Variants in GRIK2 observed in about 807,000 individuals in gnomAD.
GRIK2 encodes glutamate ionotropic receptor kainate type subunit 2.
GRIK2 carries 32 observed loss-of-function variants against 100.3 expected under a neutral mutation model. The ratio of observed to expected loss-of-function variants is 0.32; its 90% CI spans 0.24 to 0.43. The LOEUF (loss-of-function observed/expected upper bound fraction) is 0.43. Among genes scored for constraint, GRIK2 ranks in the 20% least tolerant of loss-of-function variants. The pLI is 1.00. For missense variants in GRIK2, 843 were observed against 1,114.9 expected, an observed-to-expected ratio of 0.76 and a Z score of 3.47; for synonymous variants, 417 against 389.4, an observed-to-expected ratio of 1.07 and a Z score of -0.83.
chr6:101,834,724 G>A (rs577170531), intron 10 of GRIK2, among the ~76,000 whole-genome samples: 5 of 152,208 alleles, frequency 3.3e-5, no homozygotes, highest in Admixed American at 1.3e-4. Flanking sequence ...ATTAAAGCTA[G>A]TGTTCATGGT....
intron 12 of GRIK2, among the ~76,000 whole-genome samples, chr6:101,904,302 G>A (rs2518208): frequency 0.83 from 124,799 of 151,244 alleles, 51,598 homozygotes; most frequent in East Asian, 0.94. Context: ...GCATAAGATC[G>A]TGTCACATCT....
At chr6:101,953,172 G>A (rs372636903) in intron 14 of GRIK2, among the ~76,000 whole-genome samples, 2 of 152,028 alleles carry the variant, frequency 1.3e-5, no homozygotes, top group African/African-American at 4.8e-5. Context: ...GTTTATCAGA[G>A]GATGGACATT....
chr6:101,785,440 A>G (rs1425573655), intron 7 of GRIK2, among the ~76,000 whole-genome samples: 1 of 152,078 alleles, frequency 6.6e-6, no homozygotes, highest in Non-Finnish European at 1.5e-5. Context: ...TAGTAGTTTT[A>G]TACTTTCAGA....
intron 2 of GRIK2, among the ~76,000 whole-genome samples, chr6:101,430,222 C>T (rs887257014): frequency 6.6e-6 from 1 of 152,120 alleles, no homozygotes; most frequent in African/African-American, 2.4e-5. Context: ...TAAACAAATA[C>T]CAAGGGAACA....
chr6:101,502,284 A>G (rs1423245228), intron 2 of GRIK2, among the ~76,000 whole-genome samples: 1 of 152,174 alleles, frequency 6.6e-6, no homozygotes, highest in East Asian at 1.9e-4. Context: ...ATTTCTGGGA[A>G]CATATGCTAC....
At chr6:101,656,040 T>C (rs543345469) in intron 4 of GRIK2, among the ~76,000 whole-genome samples, 3 of 152,210 alleles carry the variant, frequency 2.0e-5, no homozygotes, top group Non-Finnish European at 2.9e-5. Context: ...TGGTGGCTCA[T>C]GCCCAAAATC....
intron 7 of GRIK2, among the ~76,000 whole-genome samples, chr6:101,770,531 T>A (rs1374967550): frequency 6.6e-6 from 1 of 152,224 alleles, no homozygotes; most frequent in African/African-American, 2.4e-5. Context: ...ATAATTGGTT[T>A]CATCAAGTAT....
intron 2 of GRIK2, among the ~76,000 whole-genome samples, chr6:101,571,053 A>T (rs1290568812): frequency 2.1e-3 from 3 of 1,458 alleles, no homozygotes; most frequent in African/African-American, 8.7e-3. Flanking sequence ...CTAGGCTGCT[A>T]TGTGCAGTAT....
At chr6:101,739,945 A>G (rs1775915687) in intron 7 of GRIK2, among the ~76,000 whole-genome samples, 2 of 152,196 alleles carry the variant, frequency 1.3e-5, no homozygotes, top group African/African-American at 4.8e-5. Flanking sequence ...CCACCCTCAA[A>G]GAGCCTTTAT....
At chr6:101,423,109 C>A (rs1225518627) in intron 2 of GRIK2, among the ~76,000 whole-genome samples, 3 of 152,164 alleles carry the variant, frequency 2.0e-5, no homozygotes, top group Admixed American at 1.3e-4. Context: ...AGACACCGGT[C>A]TTTGTATGTT....
At position 102,012,203 on chromosome 6, in the gene GRIK2, C is replaced by T. The variant is rs939020931; in HGVS notation, c.2086-23138C>T. On this transcript the variant is annotated intron_variant, in intron 14 of 16. Coordinates refer to ENST00000369134, the MANE Select transcript of GRIK2 (RefSeq NM_021956.5). ...CTATTTATTTTGTTCTATTGATCAA[C>T]TTATCTATTTTTTCACCAATACCAC... is the stretch of plus-strand genomic sequence containing the variant. 7.9e-5 allele frequency among the ~76,000 whole-genome samples: 12 copies of T among 152,164 alleles called. No individual in the cohort carries two copies. The East Asian group carries it at 9.7e-4, about 12-fold the overall frequency.
chr6:101,743,299 G>A (rs80080325), intron 7 of GRIK2, among the ~76,000 whole-genome samples: 4 of 152,084 alleles, frequency 2.6e-5, no homozygotes, highest in South Asian at 2.1e-4. Context: ...AGTTTATATC[G>A]CTTAGCTATG....
intron 14 of GRIK2, among the ~76,000 whole-genome samples, chr6:101,984,236 G>A (rs1182272366): frequency 6.6e-6 from 1 of 151,492 alleles, no homozygotes. Flanking sequence ...TAGAGCTTTG[G>A]CCCATGTTCA....
At chr6:101,551,575 T>C (rs1051029093) in intron 2 of GRIK2, among the ~76,000 whole-genome samples, 2 of 152,146 alleles carry the variant, frequency 1.3e-5, no homozygotes, top group African/African-American at 4.8e-5. Context: ...TTTTCATTGA[T>C]TTATTTAATA....
chr6:102,048,472 TAAATC>T (rs1005192132), intron 15 of GRIK2, among the ~76,000 whole-genome samples: 1 of 152,074 alleles, frequency 6.6e-6, no homozygotes, highest in East Asian at 1.9e-4. Flanking sequence ...AATAAGGTGT[TAAATC>T]AAAACTATAT....
rs1162539380 is a variant in GRIK2 at position 101,595,712 on chromosome 6, G to GTATATATATA, written c.116-26236_116-26235insATATATATAT. On this transcript the variant is annotated intron_variant, in intron 2 of 16. Transcript: ENST00000369134. Reference sequence around the variant, plus strand: ...TGTATATATATATGTGTGTGTGTGTGTGTGTGTATATATATATATATATAT... The same window carrying GTATATATATA: ...TGTATATATATATGTGTGTGTGTGTGTATATATATATGTGTGTATATATATATATATATAT... Among the ~76,000 whole-genome samples, 940 of 131,224 alleles carry GTATATATATA rather than the reference G, an allele frequency of 7.2e-3. 3 individuals are homozygous for GTATATATATA. The highest frequency in any genetic ancestry group is 0.011 in the South Asian group (44 of 3,880). 86.1% of individuals were successfully genotyped at this position (131,224 alleles called of 152,430 possible). A position where few individuals can be genotyped will look rare whatever the true frequency, so the allele number is the denominator to read the frequency against.
intron 16 of GRIK2, chr6:102,063,963 A>C: frequency 6.9e-7 from 1 of 1,444,584 alleles, no homozygotes; most frequent in Non-Finnish European, 9.7e-7. Context: ...CATTTTCAGG[A>C]ATCTTCTATT....
intron 14 of GRIK2, among the ~76,000 whole-genome samples, chr6:101,938,136 T>C (rs76467798): frequency 1.3e-5 from 2 of 151,926 alleles, no homozygotes; most frequent in African/African-American, 2.4e-5. Flanking sequence ...GTTTTTTTTT[T>C]CTTTCTTTAT....
intron 16 of GRIK2, 28 bp downstream of exon 16, chr6:102,055,608 T>C (rs1771424686): frequency 6.5e-7 from 1 of 1,538,728 alleles, no homozygotes; most frequent in Non-Finnish European, 8.9e-7. Context: ...CAGTTTAAAT[T>C]TAAAACAATT....
Sources: gnomAD v4.1 joint callset for allele counts (sites outside exome capture counted in the v4.1 genomes callset) on GRCh38, gnomAD v4.1.1 for gene constraint, MANE v1.5 for transcripts, NCBI Gene and HGNC (gene_info 2026-07-23, HGNC 2026-07-21) for gene names.